Variants in LRRIQ3 observed in about 807,000 individuals in gnomAD.
LRRIQ3 encodes the protein leucine rich repeats and IQ motif containing 3.
A neutral mutation model predicts 59.3 loss-of-function variants in LRRIQ3; 75 were observed. The ratio of observed to expected loss-of-function variants is 1.26; its 90% confidence interval spans 1.05 to 1.53. The LOEUF (loss-of-function observed/expected upper bound fraction) is 1.53, where lower values mean the gene tolerates loss of function less well. Among genes scored for constraint, LRRIQ3 ranks in the 40% most tolerant of loss-of-function variants. The pLI is 0.00. For synonymous variants in LRRIQ3, 250 were observed against 231.3 expected, an observed-to-expected ratio of 1.08 and a Z score of -0.73; for missense variants, 831 against 710.0, an observed-to-expected ratio of 1.17 and a Z score of -1.94.
intron 5 of LRRIQ3, among the ~76,000 whole-genome samples, chr1:74,086,340 G>A (rs1312133605): frequency 6.6e-6 from 1 of 152,068 alleles, no homozygotes; most frequent in Non-Finnish European, 1.5e-5. Flanking sequence ...CCTGATGACA[G>A]ATTCCATTAA....
rs1199297740 is a variant in LRRIQ3 at position 74,051,207 on chromosome 1, C to A, written c.998-9274G>T. On this transcript the variant is annotated intron_variant, in intron 6 of 7. Transcript: ENST00000354431. The stretch of plus-strand genomic sequence containing the variant: ...AACACATTAAATGTTAACCACCAAC[C>A]CTTATTGGATTTCCAAAAATGAAAA... Among the ~76,000 whole-genome samples the A allele has an allele frequency of 2.6e-5, 4 of 152,144 alleles. No homozygotes were observed. The East Asian group carries it at 5.8e-4, about 22-fold the overall frequency.
chr1:74,051,782 C>T (rs931504156), intron 6 of LRRIQ3, among the ~76,000 whole-genome samples: 1 of 152,146 alleles, frequency 6.6e-6, no homozygotes, highest in Non-Finnish European at 1.5e-5. Context: ...TTTCATTATT[C>T]TAAGGTAGTA....
chr1:74,106,432 C>A (rs912101291), intron 5 of LRRIQ3, among the ~76,000 whole-genome samples: 1 of 151,878 alleles, frequency 6.6e-6, no homozygotes, highest in African/African-American at 2.4e-5. Context: ...TTGGGAAATG[C>A]CCCCATCTAT....
At chr1:74,172,466 T>A (rs1649384486) in intron 3 of LRRIQ3, among the ~76,000 whole-genome samples, 1 of 152,182 alleles carries the variant, frequency 6.6e-6, no homozygotes, top group Non-Finnish European at 1.5e-5. Context: ...ATAAATTCAA[T>A]CATTTTAAAT....
At chr1:74,074,859 T>A in intron 5 of LRRIQ3, 69 bp from the exon 6 acceptor site, 1 of 731,826 alleles carries the variant, frequency 1.4e-6, no homozygotes, top group Non-Finnish European at 2.0e-6. Flanking sequence ...TCAAGGGTTT[T>A]CACATGAATT....
intron 6 of LRRIQ3, among the ~76,000 whole-genome samples, chr1:74,053,157 AT>A (rs1654418376): frequency 6.9e-6 from 1 of 145,130 alleles, no homozygotes; most frequent in African/African-American, 2.5e-5. Context: ...CGGTAATGAA[AT>A]AACCGGTCCT....
At chr1:74,106,089 A>T (rs7554468) in intron 5 of LRRIQ3, among the ~76,000 whole-genome samples, 3,416 of 152,074 alleles carry the variant, frequency 0.022, 116 homozygotes, top group African/African-American at 0.079. Flanking sequence ...CCTCTCCAGA[A>T]GATTAAGACA....
At chr1:74,072,811 T>A (rs1012051805) in intron 6 of LRRIQ3, among the ~76,000 whole-genome samples, 4 of 152,158 alleles carry the variant, frequency 2.6e-5, no homozygotes, top group African/African-American at 9.6e-5. Flanking sequence ...TATCTAGAAT[T>A]TATTATATCC....
chr1:74,037,037 T>A (rs909057358), intron 7 of LRRIQ3, among the ~76,000 whole-genome samples: 3 of 152,228 alleles, frequency 2.0e-5, no homozygotes, highest in Admixed American at 2.0e-4. Flanking sequence ...AGTACAAATA[T>A]GTAAAAAGCA....
Position 74,124,816 on chromosome 1 carries a change from T to G in LRRIQ3, c.708-15263A>C, listed in dbSNP as rs559490853. Among the ~76,000 whole-genome samples, 349 of 152,102 alleles carry G rather than the reference T, an allele frequency of 2.3e-3. 2 individuals carry two copies. Among genetic ancestry groups the G allele is most frequent in the Non-Finnish European group, 4.0e-3 (270 of 67,936 alleles). Reference sequence around the variant, plus strand: ...ATGATTCCTCCTGTTTTGTTCTTCTTGGTCAAGCTGACTTTGGCTATTCTG... The same window carrying G: ...ATGATTCCTCCTGTTTTGTTCTTCTGGGTCAAGCTGACTTTGGCTATTCTG... On this transcript the variant is annotated intron_variant, in intron 4 of 7. Coordinates refer to ENST00000354431, the MANE Select transcript of LRRIQ3 (RefSeq NM_001105659.2).
chr1:74,140,093 C>A (rs1647205804), intron 4 of LRRIQ3, among the ~76,000 whole-genome samples: 1 of 151,658 alleles, frequency 6.6e-6, no homozygotes, highest in Non-Finnish European at 1.5e-5. Context: ...TCAGGAATAA[C>A]ATTTAATGTA....
chr1:74,137,948 G>A (rs921451771), intron 4 of LRRIQ3, among the ~76,000 whole-genome samples: 5 of 151,742 alleles, frequency 3.3e-5, no homozygotes, highest in Non-Finnish European at 7.4e-5. Flanking sequence ...GTCAGGGGGT[G>A]GGAGGGTAGG....
chr1:74,050,508 A>G, intron 6 of LRRIQ3: 1 of 985,322 alleles, frequency 1.0e-6, no homozygotes, highest in South Asian at 4.7e-5. Context: ...ACAGAAGCCA[A>G]TACCATTTGT....
intron 1 of LRRIQ3, among the ~76,000 whole-genome samples, chr1:74,185,719 G>A (rs1650323369): frequency 2.0e-5 from 3 of 152,034 alleles, no homozygotes; most frequent in Admixed American, 6.6e-5. Context: ...TGAGGCGGGC[G>A]GATTACCAGG....
chr1:74,188,048 G>C (rs984303640), intron 1 of LRRIQ3, among the ~76,000 whole-genome samples: 1 of 152,078 alleles, frequency 6.6e-6, no homozygotes, highest in African/African-American at 2.4e-5. Flanking sequence ...ACTGGATAAA[G>C]AAAATGTGGT....
chr1:74,066,640 C>T (rs1318712792), intron 6 of LRRIQ3, among the ~76,000 whole-genome samples: 1 of 152,128 alleles, frequency 6.6e-6, no homozygotes, highest in East Asian at 1.9e-4. Context: ...TGCATTCTCT[C>T]ACTTAATTTT....
intron 4 of LRRIQ3, among the ~76,000 whole-genome samples, chr1:74,127,650 T>C (rs762120385): frequency 6.6e-6 from 1 of 151,990 alleles, no homozygotes; most frequent in Non-Finnish European, 1.5e-5. Context: ...TTGTTGCTTC[T>C]ATTTACATCT....
rs556268534 is a variant in LRRIQ3, at chr1:74,189,393, G to A, written c.1-5709C>T. ...TAAGTACAGAAAAAGGAAATGAAAT[G>A]TAAGTTGTTCTGAGATTGGTGATCT... is the stretch of plus-strand genomic sequence containing the variant. On this transcript the variant is annotated intron_variant, in intron 1 of 7. Transcript: ENST00000354431. 4.6e-5 allele frequency among the ~76,000 whole-genome samples: 7 copies of A among 152,274 alleles called. No homozygotes were observed. In the East Asian group the frequency reaches 1.4e-3, roughly 29 times the overall value.
At position 74,041,131 on chromosome 1, in the gene LRRIQ3, AATT is replaced by A. The variant is rs1433781382; in HGVS notation, c.1718+79_1718+81del. On this transcript the variant is annotated intron_variant, in intron 7 of 7. Coordinates refer to ENST00000354431, the MANE Select transcript of LRRIQ3 (RefSeq NM_001105659.2). Reference sequence around the variant, plus strand: ...TGTACTATGTTACAAACAGCATACTAATTATTAGGTCTTAAAATTTAGCATGCA... The same window carrying A: ...TGTACTATGTTACAAACAGCATACTAATTAGGTCTTAAAATTTAGCATGCA... 3 of 1,128,050 alleles carry A rather than the reference AATT, an allele frequency of 2.7e-6. No homozygotes were observed. The Admixed American group carries it at 7.3e-5, about 27-fold the overall frequency. 69.9% of individuals were successfully genotyped at this position (1,128,050 alleles called of 1,614,324 possible).
Sources: allele counts gnomAD v4.1 joint callset (sites outside exome capture counted in the v4.1 genomes callset), GRCh38; gene constraint gnomAD v4.1.1; transcripts MANE v1.5; gene names NCBI Gene and HGNC (gene_info 2026-07-23, HGNC 2026-07-21).